EVC: variants seen among roughly 807,000 people sequenced by gnomAD.
EVC encodes the protein evC complex member EVC.
In EVC, 116 loss-of-function variants were observed where a neutral mutation model predicts 118.9. The ratio of observed to expected loss-of-function variants is 0.98; its 90% CI spans 0.84 to 1.14. The LOEUF (loss-of-function observed/expected upper bound fraction) is 1.14, where lower values mean the gene tolerates loss of function less well. EVC is among the 50% of genes most tolerant of loss of function. The pLI is 0.00. For synonymous variants in EVC, 619 were observed against 534.7 expected, an observed-to-expected ratio of 1.16 and a Z score of -2.18; for missense variants, 1,401 against 1,246.4, an observed-to-expected ratio of 1.12 and a Z score of -1.87.
intron 16 of EVC, 83 bp from the exon 17 acceptor site, chr4:5,804,647 C>G: frequency 8.5e-7 from 1 of 1,178,256 alleles, no homozygotes; most frequent in Non-Finnish European, 1.3e-6. Flanking sequence ...TCTCACTCAC[C>G]CTGCACCCCA....
chr4:5,716,238 G>A (rs953406124), intron 1 of EVC, among the ~76,000 whole-genome samples: 1 of 152,224 alleles, frequency 6.6e-6, no homozygotes, highest in African/African-American at 2.4e-5. Flanking sequence ...TTTAAAGGTA[G>A]AGGTAAATTT....
At position 5,797,177 on chromosome 4, in the gene EVC, A is replaced by G. The variant is rs1179899572; in HGVS notation, c.2042A>G (p.Glu681Gly). The G allele has an allele frequency of 3.1e-6, 5 of 1,613,276 alleles. No individual in the cohort carries two copies. The highest frequency in any genetic ancestry group is 4.2e-6 in the Non-Finnish European group (5 of 1,180,016). The stretch of plus-strand genomic sequence containing the variant: ...GAGCTGCGGGAACAGCGTGCACTGG[A>G]GCAGGGGTCCTCCCAGTGCCTGGAC... The part of the protein sequence containing the change: ...LQELREQRAL[E>G]QGSSQCLDEH... The change falls in exon 14 of 21, where the codon GAG becomes GGG. Residue 681 changes from glutamate to glycine, a missense_variant. By Grantham distance (98) the Glu-to-Gly change is moderately conservative (BLOSUM62 -2). Coordinates refer to ENST00000264956, the MANE Select transcript of EVC (RefSeq NM_153717.3).
rs182357712 is a variant in EVC, at chr4:5,806,070, C to G, written c.2561+1229C>G. 6.0e-5 allele frequency among the ~76,000 whole-genome samples: 9 copies of G among 150,804 alleles called. No individual in the cohort carries two copies. The East Asian group carries it at 9.7e-4, about 16-fold the overall frequency. On this transcript the variant is annotated intron_variant, in intron 17 of 20. Coordinates refer to ENST00000264956, the MANE Select transcript of EVC (RefSeq NM_153717.3). ...CGCCGCCCTTCTGTGTCTCTGTTGTCCATCCTTCCACTCTCTTTTTTTTTT... is the reference window on the plus strand; with the variant it reads ...CGCCGCCCTTCTGTGTCTCTGTTGTGCATCCTTCCACTCTCTTTTTTTTTT...
chr4:5,796,440 C>T (rs919488919), intron 13 of EVC, among the ~76,000 whole-genome samples: 65 of 152,154 alleles, frequency 4.3e-4, no homozygotes, highest in African/African-American at 1.5e-3. Flanking sequence ...GAAGGAATTT[C>T]GGATGGTGGG....
At chr4:5,739,114 C>T (rs1728139356) in intron 5 of EVC, among the ~76,000 whole-genome samples, 1 of 152,048 alleles carries the variant, frequency 6.6e-6, no homozygotes, top group African/African-American at 2.4e-5. Context: ...CCATGGTATG[C>T]TTGTATTATT....
chr4:5,809,521 G>T lies in EVC; in HGVS notation c.2692G>T (p.Ala898Ser). Residue 898 changes from alanine to serine, a missense_variant, in exon 19 of 21, where the codon GCT (alanine) becomes TCT (serine). Ala to Ser is a moderately conservative substitution (Grantham distance 99). Transcript: ENST00000264956. ...CTCCTCTCTGCTTGCATTTCAGGAA[G>T]CTGAACAGAACTTCATCTCCGAGCT... is the stretch of plus-strand genomic sequence containing the variant. ...EAQLETQLQE[A>S]EQNFISELAA... The T allele has an allele frequency of 6.2e-7, 1 of 1,614,166 alleles. No individual in the cohort carries two copies. Among genetic ancestry groups the T allele is most frequent in the Non-Finnish European group, 8.5e-7 (1 of 1,180,028 alleles).
At position 5,756,507 on chromosome 4, in the gene EVC, C is replaced by T. The variant is rs967731278; in HGVS notation, c.1563+145C>T. On this transcript the variant is annotated intron_variant, in intron 11 of 20. Coordinates refer to ENST00000264956, the MANE Select transcript of EVC (RefSeq NM_153717.3). This position sits in a 1 kb window ranked among gnomAD's most constrained non-coding sequence, Gnocchi z 4.2. ...CCGGTGATCCACGCAGGCTGTGTCC[C>T]CTCCATGCGATCCTCCTTGCCCACA... is the stretch of plus-strand genomic sequence containing the variant. 4 of 719,372 alleles carry T rather than the reference C, an allele frequency of 5.6e-6. No individual in the cohort carries two copies. Among genetic ancestry groups the T allele is most frequent in the African/African-American group, 5.2e-5 (3 of 57,468 alleles). 44.6% of individuals were successfully genotyped at this position (719,372 alleles called of 1,614,324 possible).
chr4:5,827,223 A>G, the EVC span, among the ~76,000 whole-genome samples: 1 of 152,170 alleles, frequency 6.6e-6, no homozygotes, highest in African/African-American at 2.4e-5. Flanking sequence ...TCAGACCAAG[A>G]AGGAAATGAA....
intron 12 of EVC, among the ~76,000 whole-genome samples, chr4:5,787,916 C>G (rs1712009301): frequency 6.6e-6 from 1 of 152,156 alleles, no homozygotes; most frequent in Non-Finnish European, 1.5e-5. Flanking sequence ...TCTTACTGGA[C>G]AAGGTGGTGT....
At chr4:5,770,960 C>T (rs542185570) in intron 11 of EVC, among the ~76,000 whole-genome samples, 87 of 151,236 alleles carry the variant, frequency 5.8e-4, no homozygotes, top group African/African-American at 1.7e-3. Context: ...TGCAGTGAGA[C>T]GAGATCGCAC....
chr4:5,794,309 A>G (rs1713419301), intron 13 of EVC, among the ~76,000 whole-genome samples: 1 of 128,898 alleles, frequency 7.8e-6, no homozygotes, highest in South Asian at 2.3e-4. Flanking sequence ...TTATATTTTT[A>G]TATATTTATA....
At position 5,743,383 on chromosome 4, in the gene EVC, C is replaced by G. The variant is rs1403613686; in HGVS notation, c.801+1569C>G. Among the ~76,000 whole-genome samples, 1 of 152,148 alleles carries G rather than the reference C, an allele frequency of 6.6e-6. No individual in the cohort carries two copies. Among genetic ancestry groups the G allele is most frequent in the African/African-American group, 2.4e-5 (1 of 41,428 alleles). The stretch of plus-strand genomic sequence containing the variant: ...TATCACCAGCCTCTTATTCATCATC[C>G]CCTGCCATCATTTTCATTATCATCA... On this transcript the variant is annotated intron_variant, in intron 6 of 20. Transcript: ENST00000264956. This position sits in a 1 kb window ranked among gnomAD's most constrained non-coding sequence, Gnocchi z 4.7.
chr4:5,727,428 T>C (rs1726039892), intron 2 of EVC, among the ~76,000 whole-genome samples: 1 of 152,158 alleles, frequency 6.6e-6, no homozygotes, highest in African/African-American at 2.4e-5. Context: ...TGTTTGTTTT[T>C]TTCTTGTAAA....
intron 1 of EVC, among the ~76,000 whole-genome samples, chr4:5,718,760 G>A (rs1304301769): frequency 3.9e-5 from 6 of 152,156 alleles, no homozygotes; most frequent in East Asian, 1.9e-4. Context: ...TAAATAATGA[G>A]CATTCATTGT....
intron 11 of EVC, among the ~76,000 whole-genome samples, chr4:5,771,490 C>T (rs1315331477): frequency 6.6e-6 from 1 of 152,194 alleles, no homozygotes; most frequent in Admixed American, 6.5e-5. Context: ...CCTGCGAAGT[C>T]TCTTTACCAT....
At chr4:5,801,732 G>A (rs149704752) in intron 15 of EVC, 232 of 471,200 alleles carry the variant, frequency 4.9e-4, no homozygotes, top group Non-Finnish European at 6.3e-4. Context: ...CCCTAACATC[G>A]CATTTCATTG....
chr4:5,825,221 A>T, the EVC span: 1 of 985,312 alleles, frequency 1.0e-6, no homozygotes, highest in African/African-American at 1.7e-5. This position sits in a 1 kb window ranked among gnomAD's most constrained non-coding sequence, Gnocchi z 4.4. Context: ...AAATGTGTGT[A>T]AGGATGAGCA....
chr4:5,764,410 G>T (rs1386865574), intron 11 of EVC, among the ~76,000 whole-genome samples: 3 of 127,158 alleles, frequency 2.4e-5, no homozygotes, highest in Non-Finnish European at 5.2e-5. Context: ...GATGATGCTG[G>T]CCTCATAAAA....
At chr4:5,828,198 C>T in the EVC span, 1 of 985,414 alleles carries the variant, frequency 1.0e-6, no homozygotes, top group Non-Finnish European at 1.2e-6. Flanking sequence ...TGACGCAGGA[C>T]AGCGCCCAGA....
Sources: gnomAD v4.1 joint callset for allele counts (sites outside exome capture counted in the v4.1 genomes callset) on GRCh38, gnomAD v4.1.1 for gene constraint, Gnocchi (gnomAD v3.1) non-coding constraint, MANE v1.5 for transcripts, NCBI Gene and HGNC (gene_info 2026-07-23, HGNC 2026-07-21) for gene names.